UST: variants seen among roughly 807,000 people sequenced by gnomAD.
The protein encoded by UST is chondroitin sulfate 2-O-sulfotransferase.
A neutral mutation model predicts 45.6 loss-of-function variants in UST; 21 were observed. That is an observed-to-expected ratio of 0.46 (90% CI 0.33 to 0.66). The LOEUF is 0.66. Ranked by LOEUF, UST falls within the 30% of genes least tolerant of loss-of-function variation. The probability of loss-of-function intolerance (pLI) is 0.02; values close to 1 mark genes in which losing one functional copy is unlikely to be tolerated. For missense variants in UST, 463 were observed against 512.4 expected (o/e 0.90, Z 0.93); for synonymous variants, 215 against 200.6 (o/e 1.07, Z -0.61).
rs34342100 is a variant in UST, at chr6:148,748,399, T to TTGTGTGTG, written c.247+769_247+776dup. 4.6e-3 allele frequency among the ~76,000 whole-genome samples: 583 copies of TTGTGTGTG among 127,586 alleles called. 2 individuals carry two copies. Among genetic ancestry groups the TTGTGTGTG allele is most frequent in the East Asian group, 7.8e-3 (31 of 3,952 alleles). 83.7% of individuals were successfully genotyped at this position (127,586 alleles called of 152,430 possible). A position where few individuals can be genotyped will look rare whatever the true frequency, so the allele number is the denominator to read the frequency against. On this transcript the variant is annotated intron_variant, in intron 1 of 7. Transcript: ENST00000367463. This position sits in a 1 kb window ranked among gnomAD's most constrained non-coding sequence, Gnocchi z 5.3. ...GTGCGTCTCAAGCTCAAGTCAAAAC[T>TTGTGTGTG]TGTGTGTGTGTGTGTGTGTGTGTGT... is the stretch of plus-strand genomic sequence containing the variant.
At chr6:149,050,506 A>G (rs1189698909) in intron 7 of UST, among the ~76,000 whole-genome samples, 2 of 152,210 alleles carry the variant, frequency 1.3e-5, no homozygotes, top group Non-Finnish European at 2.9e-5. Flanking sequence ...CTCCCATTAC[A>G]TACCACAAGG....
chr6:148,902,366 A>G (rs763720637), intron 2 of UST, among the ~76,000 whole-genome samples: 4 of 150,986 alleles, frequency 2.6e-5, no homozygotes, highest in Non-Finnish European at 5.9e-5. Flanking sequence ...AGCTGGGACT[A>G]CAGGCATGTG....
At chr6:148,903,177 TTTTATCTC>T (rs1479557707) in intron 2 of UST, among the ~76,000 whole-genome samples, 1 of 152,180 alleles carries the variant, frequency 6.6e-6, no homozygotes, top group Non-Finnish European at 1.5e-5. Context: ...AAAGCATGCA[TTTTATCTC>T]TTTATCCAAT....
chr6:148,877,455 GA>G, intron 1 of UST, among the ~76,000 whole-genome samples: 1 of 79,140 alleles, frequency 1.3e-5, no homozygotes, highest in African/African-American at 5.3e-5. Flanking sequence ...TGAGTGGGGG[GA>G]TCGTGTATGA....
intron 5 of UST, among the ~76,000 whole-genome samples, chr6:149,001,072 CTT>C (rs71554430): frequency 1.3e-4 from 18 of 136,352 alleles, no homozygotes; most frequent in African/African-American, 1.1e-4. Flanking sequence ...GGAGATGATT[CTT>C]TTTTTTTTTT....
chr6:148,902,348 T>A (rs142760918), intron 2 of UST, among the ~76,000 whole-genome samples: 230 of 151,754 alleles, frequency 1.5e-3, no homozygotes, highest in African/African-American at 5.4e-3. Flanking sequence ...CACCTCAGCC[T>A]CCTGAATAGC....
chr6:148,767,507 G>T (rs923209859), intron 1 of UST, among the ~76,000 whole-genome samples: 6 of 152,052 alleles, frequency 3.9e-5, no homozygotes, highest in Non-Finnish European at 8.8e-5. Context: ...TTGCAGATTC[G>T]GTACCGTTTT....
intron 1 of UST, among the ~76,000 whole-genome samples, chr6:148,868,393 G>T (rs959540466): frequency 6.6e-6 from 1 of 152,180 alleles, no homozygotes; most frequent in African/African-American, 2.4e-5. Flanking sequence ...AACAGAGCTA[G>T]TGCTGGCCTT....
rs140330719 is a variant in UST at position 148,831,206 on chromosome 6, C to T, written c.248-55780C>T. The stretch of plus-strand genomic sequence containing the variant: ...CAGACTAGACCAGCGCCGACTGTTT[C>T]GCAGCCACATACCAGCATCTGGAAG... On this transcript the variant is annotated intron_variant, in intron 1 of 7. Coordinates refer to ENST00000367463, the MANE Select transcript of UST (RefSeq NM_005715.3). Among the ~76,000 whole-genome samples, 59 of 152,262 alleles carry T rather than the reference C, an allele frequency of 3.9e-4. 1 individual carries two copies. The East Asian group carries it at 0.011, about 28-fold the overall frequency.
At chr6:148,788,714 T>C (rs1369323228) in intron 1 of UST, among the ~76,000 whole-genome samples, 1 of 152,186 alleles carries the variant, frequency 6.6e-6, no homozygotes, top group Non-Finnish European at 1.5e-5. Flanking sequence ...TAGAATAAAA[T>C]TGTCAAGAGA....
At position 148,747,314 on chromosome 6, in the gene UST, G is replaced by A. The variant is rs934032303; in HGVS notation, c.-117G>A. ...CTTCGGCCCCTCCCCGCCCCCACCC[G>A]GCTGCCCTCCGCGCGGCCCTCCCCA... On this transcript the variant is annotated 5_prime_UTR_variant, in exon 1 of 8. Transcript: ENST00000367463. The A allele has an allele frequency of 2.9e-5, 36 of 1,252,372 alleles. No homozygotes were observed. In the African/African-American group the frequency reaches 4.9e-4, roughly 17 times the overall value. The allele number at this position is 1,252,372 out of a possible 1,614,324, so 77.6% of individuals were successfully genotyped here.
rs530547103 is a variant in UST, at chr6:148,843,047, A to G, written c.248-43939A>G. On this transcript the variant is annotated intron_variant, in intron 1 of 7. Coordinates refer to ENST00000367463, the MANE Select transcript of UST (RefSeq NM_005715.3). ...TGAAGATTCCTGTAGCTAAACAAAC[A>G]TCATTTCCCAGATTAAAATTTCAGG... is the stretch of plus-strand genomic sequence containing the variant. Among the ~76,000 whole-genome samples, 3 of 152,376 alleles carry G rather than the reference A, an allele frequency of 2.0e-5. No individual in the cohort carries two copies. In the East Asian group the frequency reaches 5.8e-4, roughly 29 times the overall value.
Position 148,905,563 on chromosome 6 carries a change from A to T in UST, c.291+18534A>T, listed in dbSNP as rs144218553. 3.9e-5 allele frequency among the ~76,000 whole-genome samples: 6 copies of T among 152,290 alleles called. No individual in the cohort carries two copies. The East Asian group carries it at 1.2e-3, about 29-fold the overall frequency. Reference sequence around the variant, plus strand: ...CCCTTCCCCTCCCCAGCCCCCATTAAGGGGAAATTGGGAGTCATTTACTTT... The same window carrying T: ...CCCTTCCCCTCCCCAGCCCCCATTATGGGGAAATTGGGAGTCATTTACTTT... On this transcript the variant is annotated intron_variant, in intron 2 of 7. Transcript: ENST00000367463.
chr6:148,865,531 AAG>A (rs141807867), intron 1 of UST, among the ~76,000 whole-genome samples: 22 of 146,570 alleles, frequency 1.5e-4, no homozygotes, highest in Admixed American at 3.5e-4. Context: ...ATGTTTTAAA[AAG>A]AGAGAGAGAG....
At chr6:148,953,059 A>C (rs972840163) in intron 3 of UST, among the ~76,000 whole-genome samples, 1 of 152,222 alleles carries the variant, frequency 6.6e-6, no homozygotes, top group South Asian at 2.1e-4. Flanking sequence ...CAAAACACCA[A>C]GACATTTGGG....
chr6:149,045,060 T>C (rs1035121914), intron 7 of UST, among the ~76,000 whole-genome samples: 6 of 152,260 alleles, frequency 3.9e-5, no homozygotes, highest in African/African-American at 1.4e-4. Context: ...GTGTAACTAA[T>C]AGAGCACTGC....
At chr6:149,021,508 C>G in intron 7 of UST, 27 bp downstream of exon 7, 1 of 1,612,962 alleles carries the variant, frequency 6.2e-7, no homozygotes, top group Non-Finnish European at 8.5e-7. Context: ...GCAAGCTCTT[C>G]TCCATGAGAG....
intron 1 of UST, among the ~76,000 whole-genome samples, chr6:148,869,722 T>C (rs1208267318): frequency 6.6e-6 from 1 of 152,212 alleles, no homozygotes; most frequent in Non-Finnish European, 1.5e-5. Flanking sequence ...TGCATGTCAT[T>C]TTAATGCAGT....
intron 5 of UST, chr6:148,990,561 CT>C: frequency 2.6e-6 from 1 of 381,350 alleles, no homozygotes; most frequent in Non-Finnish European, 3.6e-6. Context: ...CCCACGAAAG[CT>C]TTACTTTGGG....
Sources: allele counts gnomAD v4.1 joint callset (sites outside exome capture counted in the v4.1 genomes callset), GRCh38; gene constraint gnomAD v4.1.1; non-coding constraint Gnocchi (gnomAD v3.1); transcripts MANE v1.5; gene names NCBI Gene and HGNC (gene_info 2026-07-23, HGNC 2026-07-21).